LSAMP: variants seen among roughly 807,000 people sequenced by gnomAD.
LSAMP encodes limbic system associated membrane protein, also known as limbic system-associated membrane protein.
Under a neutral mutation model 38.6 loss-of-function variants are expected in LSAMP, and 7 were observed. That is an observed-to-expected ratio of 0.18 (90% confidence interval 0.10 to 0.34). The LOEUF (loss-of-function observed/expected upper bound fraction) is 0.34. LSAMP is among the 10% of genes least tolerant of loss of function. The pLI, the probability that LSAMP is intolerant of heterozygous loss-of-function variation, is 1.00. For missense variants in LSAMP, 313 were observed against 420.0 expected, an observed-to-expected ratio of 0.75 and a Z score of 2.23; for synonymous variants, 154 against 166.8, an observed-to-expected ratio of 0.92 and a Z score of 0.59.
chr3:116,421,722 A>G (rs1213381765), intron 1 of LSAMP, among the ~76,000 whole-genome samples: 2 of 152,334 alleles, frequency 1.3e-5, no homozygotes, highest in Admixed American at 6.5e-5. Flanking sequence ...TATTAAAACT[A>G]TAATGAGACA....
intron 1 of LSAMP, among the ~76,000 whole-genome samples, chr3:116,346,923 A>T (rs1368851581): frequency 6.6e-6 from 1 of 152,214 alleles, no homozygotes; most frequent in African/African-American, 2.4e-5. Flanking sequence ...TAAATAGCAC[A>T]ACTCATCCCT....
rs369596141 is a variant in LSAMP, at chr3:116,309,009, C to T, written c.155+135868G>A. On this transcript the variant is annotated intron_variant, in intron 1 of 6. Transcript: ENST00000490035. ...AACTTTTCAATATTTCCCTTTGCCT[C>T]ATTCTACAGCAAGGCAGTTGGAAAG... 5.9e-5 allele frequency among the ~76,000 whole-genome samples: 9 copies of T among 152,020 alleles called. No homozygotes were observed. In the East Asian group the frequency reaches 1.5e-3, roughly 26 times the overall value.
Position 116,199,164 on chromosome 3 carries a change from A to ATTT in LSAMP, c.156-112611_156-112609dup, listed in dbSNP as rs765038768. Among the ~76,000 whole-genome samples, 492 of 145,866 alleles carry ATTT rather than the reference A, an allele frequency of 3.4e-3. 2 individuals are homozygous for ATTT. The highest frequency in any genetic ancestry group is 0.011 in the African/African-American group (461 of 40,118). On this transcript the variant is annotated intron_variant, in intron 1 of 6. Coordinates refer to ENST00000490035, the MANE Select transcript of LSAMP (RefSeq NM_002338.5). ...ATTAGGGTTGAGATGTTTGCTTGTG[A>ATTT]TTTTTTTTTTTTTAGGATAAAAGCT...
At chr3:116,258,755 G>A (rs1469749750) in intron 1 of LSAMP, among the ~76,000 whole-genome samples, 1 of 152,114 alleles carries the variant, frequency 6.6e-6, no homozygotes, top group Non-Finnish European at 1.5e-5. Context: ...CAGTAAAATA[G>A]AGTTGTTATT....
intron 3 of LSAMP, among the ~76,000 whole-genome samples, chr3:115,859,324 G>A (rs1395862506): frequency 6.6e-6 from 1 of 152,060 alleles, no homozygotes; most frequent in African/African-American, 2.4e-5. Context: ...AGGAGACACA[G>A]GGAAGAACAA....
In LSAMP at chr3:115,842,462, T is replaced by C; in HGVS notation, c.766A>G (p.Thr256Ala). 2 of 1,613,744 alleles carry C rather than the reference T, an allele frequency of 1.2e-6. No individual in the cohort carries two copies. The highest frequency in any genetic ancestry group is 8.5e-7 in the Non-Finnish European group (1 of 1,179,768). The change falls in exon 5 of 7, where the codon ACT (threonine) becomes GCT (alanine). Residue 256 changes from threonine (T) to alanine (A), a missense_variant. By Grantham distance (58) the Thr-to-Ala change is moderately conservative (BLOSUM62 0). Transcript: ENST00000490035. ...APDFEWYRDD[T>A]RINSANGLEI... ...GATGGTAGGTTTGGCACATACCTAG[T>C]GTCATCCCGGTACCACTCAAAGTCA...
intron 1 of LSAMP, among the ~76,000 whole-genome samples, chr3:116,376,977 C>T (rs191235513): frequency 0.011 from 1,599 of 152,014 alleles, 10 homozygotes; most frequent in Non-Finnish European, 0.016. Flanking sequence ...AATAAAAATA[C>T]CCTCTCTTTT....
chr3:115,901,341 T>C (rs1460722853), intron 3 of LSAMP, among the ~76,000 whole-genome samples: 1 of 152,120 alleles, frequency 6.6e-6, no homozygotes, highest in African/African-American at 2.4e-5. Flanking sequence ...TGTCCTTGGC[T>C]GCCTTCTCTT....
At chr3:115,869,565 C>G (rs1935966779) in intron 3 of LSAMP, among the ~76,000 whole-genome samples, 1 of 152,060 alleles carries the variant, frequency 6.6e-6, no homozygotes, top group South Asian at 2.1e-4. Flanking sequence ...TTTGCTCTTA[C>G]CATTAATATT....
intron 3 of LSAMP, among the ~76,000 whole-genome samples, chr3:115,950,678 C>G (rs1051607530): frequency 6.6e-6 from 1 of 151,586 alleles, no homozygotes; most frequent in Non-Finnish European, 1.5e-5. Flanking sequence ...CAAAAGCAAT[C>G]CACAGATTAA....
chr3:116,154,095 C>T (rs1027245433), intron 1 of LSAMP, among the ~76,000 whole-genome samples: 11 of 152,038 alleles, frequency 7.2e-5, no homozygotes, highest in Admixed American at 3.3e-4. Context: ...TGAGAATTAA[C>T]GGAGTTGTTC....
At chr3:116,268,926 A>T (rs2046932424) in intron 1 of LSAMP, among the ~76,000 whole-genome samples, 1 of 152,078 alleles carries the variant, frequency 6.6e-6, no homozygotes, top group Admixed American at 6.6e-5. Context: ...TAAAGAATCT[A>T]GGTAACATCA....
intron 2 of LSAMP, among the ~76,000 whole-genome samples, chr3:116,050,669 T>C (rs1941380109): frequency 6.6e-6 from 1 of 152,220 alleles, no homozygotes; most frequent in Non-Finnish European, 1.5e-5. Context: ...CACTAAAGCA[T>C]GCTTCCTAGC....
In LSAMP at chr3:116,019,638, G is replaced by C; in HGVS notation, c.391C>G (p.Pro131Ala). The change falls in exon 3 of 7, where the codon CCA becomes GCA. Residue 131 changes from proline (P) to alanine (A), a missense_variant and splice_region_variant. Physicochemically the swap from Pro to Ala is conservative, Grantham distance 27. Coordinates refer to ENST00000490035, the MANE Select transcript of LSAMP (RefSeq NM_002338.5). Reference protein sequence around the residue: ...TSQVYLIVQVPPKISNISSDV... With the variant: ...TSQVYLIVQVAPKISNISSDV... The stretch of plus-strand genomic sequence containing the variant: ...GAGGAGATATTGGAGATCTTTGGTG[G>C]GACTGTGAAAACAAAAGGAAATGGA... 1.9e-6 allele frequency: 3 copies of C among 1,611,200 alleles called. No individual in the cohort carries two copies. Among genetic ancestry groups the C allele is most frequent in the Non-Finnish European group, 8.5e-7 (1 of 1,178,022 alleles).
At chr3:116,429,467 G>A (rs556251108) in intron 1 of LSAMP, among the ~76,000 whole-genome samples, 41 of 152,136 alleles carry the variant, frequency 2.7e-4, no homozygotes, top group Non-Finnish European at 5.0e-4. Flanking sequence ...CAGAAAACCA[G>A]AAATGCAAAT....
At chr3:116,301,361 A>G (rs1022127697) in intron 1 of LSAMP, among the ~76,000 whole-genome samples, 1 of 152,188 alleles carries the variant, frequency 6.6e-6, no homozygotes, top group Admixed American at 6.5e-5. Context: ...GATTAATTCA[A>G]CCCTCTGTAC....
intron 1 of LSAMP, among the ~76,000 whole-genome samples, chr3:116,099,852 A>T (rs1326852041): frequency 6.6e-6 from 1 of 151,820 alleles, no homozygotes; most frequent in Non-Finnish European, 1.5e-5. Context: ...CTCACAGAGC[A>T]CTCCTAATAC....
At chr3:116,444,585 G>GGTT (rs1411781479) in intron 1 of LSAMP, among the ~76,000 whole-genome samples, 1 of 151,974 alleles carries the variant, frequency 6.6e-6, no homozygotes, top group Non-Finnish European at 1.5e-5. Context: ...GGTGAAGTTA[G>GGTT]GCTTCCTTGA....
chr3:116,434,130 A>G (rs1272787655), intron 1 of LSAMP, among the ~76,000 whole-genome samples: 1 of 152,166 alleles, frequency 6.6e-6, no homozygotes, highest in African/African-American at 2.4e-5. Flanking sequence ...CTTCAACCCC[A>G]CATCCACAAT....
Sources: allele counts gnomAD v4.1 joint callset (sites outside exome capture counted in the v4.1 genomes callset), GRCh38; gene constraint gnomAD v4.1.1; transcripts MANE v1.5; gene names NCBI Gene and HGNC (gene_info 2026-07-23, HGNC 2026-07-21).